The following FBXL13 variants were observed in gnomAD, a reference collection of about 807,000 sequenced individuals.
The protein encoded by FBXL13 is F-box and leucine-rich repeat protein 13.
Under a neutral mutation model 83.6 loss-of-function variants are expected in FBXL13, and 67 were observed. That is an observed-to-expected ratio of 0.80 (90% CI 0.66 to 0.98). FBXL13 has a LOEUF of 0.98. Ranked by LOEUF, FBXL13 falls within the 50% of genes least tolerant of loss-of-function variation. The probability of loss-of-function intolerance (pLI) is 0.00; values close to 1 mark genes in which losing one functional copy is unlikely to be tolerated. For missense variants in FBXL13, 822 were observed against 866.5 expected (o/e 0.95, Z 0.64); for synonymous variants, 272 against 299.5 (o/e 0.91, Z 0.95).
At chr7:103,026,268 A>G (rs1409949592) in intron 5 of FBXL13, among the ~76,000 whole-genome samples, 1 of 151,882 alleles carries the variant, frequency 6.6e-6, no homozygotes, top group African/African-American at 2.4e-5. Flanking sequence ...CCTCCCAAGT[A>G]GCTGGGATTA....
intron 9 of FBXL13, among the ~76,000 whole-genome samples, chr7:102,930,031 G>T (rs1404037365): frequency 6.6e-6 from 1 of 152,062 alleles, no homozygotes; most frequent in Non-Finnish European, 1.5e-5. Flanking sequence ...TAGGGGTGGT[G>T]GGGAGGGAAG....
intron 9 of FBXL13, among the ~76,000 whole-genome samples, chr7:102,927,438 T>C (rs751635757): frequency 2.0e-4 from 30 of 152,188 alleles, no homozygotes; most frequent in Non-Finnish European, 3.7e-4. Context: ...CCACTAAAGA[T>C]AGTAAAGGCT....
Position 102,864,471 on chromosome 7 carries a change from C to T in FBXL13, c.1636-9611G>A, listed in dbSNP as rs192003251. ...GCAACCTCTGCCTCCTGGGTTCAAG[C>T]GATTTTCCTGCCTCAGCCTCCCAAA... On this transcript the variant is annotated intron_variant, in intron 16 of 19. Coordinates refer to ENST00000313221, the Ensembl canonical transcript of FBXL13. Among the ~76,000 whole-genome samples the T allele has an allele frequency of 2.0e-3, 297 of 152,066 alleles. 4 individuals carry two copies. The highest frequency in any genetic ancestry group is 0.017 in the South Asian group (84 of 4,820).
chr7:103,019,905 G>A (rs1336856027), intron 6 of FBXL13, among the ~76,000 whole-genome samples: 2 of 152,152 alleles, frequency 1.3e-5, no homozygotes, highest in African/African-American at 4.8e-5. Flanking sequence ...ACAAGGAGGA[G>A]CTGGTACCAT....
intron 5 of FBXL13, among the ~76,000 whole-genome samples, chr7:103,026,220 C>T (rs534742650): frequency 6.6e-6 from 1 of 151,996 alleles, no homozygotes; most frequent in South Asian, 2.1e-4. Flanking sequence ...CTCACTGCAT[C>T]CTCCACCTCA....
intron 10 of FBXL13, among the ~76,000 whole-genome samples, chr7:102,915,189 C>A (rs1815604172): frequency 1.4e-5 from 2 of 139,482 alleles, no homozygotes; most frequent in African/African-American, 5.4e-5. Context: ...CCTCAGTTTT[C>A]TCATCTGGAA....
intron 1 of FBXL13, among the ~76,000 whole-genome samples, chr7:103,056,234 A>T (rs1288379014): frequency 1.3e-5 from 2 of 152,158 alleles, no homozygotes; most frequent in Admixed American, 1.3e-4. Context: ...GATGTGATAT[A>T]TATATCTCAC....
intron 2 of FBXL13, among the ~76,000 whole-genome samples, chr7:103,043,297 A>T (rs1186150220): frequency 1.3e-5 from 2 of 152,302 alleles, no homozygotes; most frequent in East Asian, 3.9e-4. Context: ...ATTAGAATGG[A>T]GATCATTAAG....
intron 2 of FBXL13, among the ~76,000 whole-genome samples, chr7:103,050,948 C>G (rs541606056): frequency 3.3e-4 from 51 of 152,262 alleles, no homozygotes; most frequent in Middle Eastern, 3.4e-3. Context: ...TACTGAGAAC[C>G]CTCATTTTTA....
chr7:102,911,322 A>C (rs1814634338), intron 11 of FBXL13, among the ~76,000 whole-genome samples: 1 of 152,228 alleles, frequency 6.6e-6, no homozygotes, highest in African/African-American at 2.4e-5. Flanking sequence ...ATGGTAACTG[A>C]GAAATTGATA....
intron 8 of FBXL13, among the ~76,000 whole-genome samples, chr7:102,951,602 G>A (rs1392082093): frequency 6.6e-6 from 1 of 151,734 alleles, no homozygotes; most frequent in Non-Finnish European, 1.5e-5. Context: ...GAGTTCAGGA[G>A]TTCAAGACCA....
At chr7:103,010,669 C>T (rs551340825) in intron 6 of FBXL13, among the ~76,000 whole-genome samples, 2 of 152,176 alleles carry the variant, frequency 1.3e-5, no homozygotes, top group East Asian at 3.9e-4. Context: ...GGCACCCACC[C>T]ACTCACTCTT....
exon 8 of FBXL13, chr7:102,963,564 A>C: frequency 1.2e-6 from 2 of 1,613,248 alleles, no homozygotes; most frequent in Non-Finnish European, 1.7e-6. Flanking sequence ...GTCGGAGAAG[A>C]CAACCACGAA....
rs78449846 is a variant in FBXL13, at chr7:102,826,157, C to T, written c.1855-3954G>A. On this transcript the variant is annotated intron_variant, in intron 18 of 19. Transcript: ENST00000313221. The stretch of plus-strand genomic sequence containing the variant: ...CCCCTTTGCCCCCTCCCCACCAATT[C>T]CTGTTTTGATTGTGTGAGAAGTCAG... 3.8e-3 allele frequency among the ~76,000 whole-genome samples: 576 copies of T among 152,138 alleles called. 15 individuals carry two copies. In the East Asian group the frequency reaches 0.062, roughly 16 times the overall value.
intron 17 of FBXL13, among the ~76,000 whole-genome samples, chr7:102,852,914 AATT>A (rs1306098107): frequency 6.6e-6 from 1 of 152,240 alleles, no homozygotes; most frequent in Non-Finnish European, 1.5e-5. Context: ...CACAATTCGC[AATT>A]GCAAAATCGG....
intron 7 of FBXL13, among the ~76,000 whole-genome samples, chr7:102,966,080 C>A (rs934014712): frequency 5.9e-5 from 9 of 152,142 alleles, no homozygotes; most frequent in African/African-American, 2.2e-4. Context: ...GGACAACATC[C>A]CATTCTTGGT....
intron 1 of FBXL13, among the ~76,000 whole-genome samples, chr7:103,066,646 G>A (rs1798421486): frequency 6.6e-6 from 1 of 152,134 alleles, no homozygotes. Flanking sequence ...ACCCGCCTCA[G>A]CCTCCCAAAG....
intron 11 of FBXL13, among the ~76,000 whole-genome samples, chr7:102,910,082 A>T (rs530484712): frequency 6.6e-6 from 1 of 152,210 alleles, no homozygotes; most frequent in East Asian, 1.9e-4. Context: ...GGGACTGGCA[A>T]TTCCCCTGTG....
intron 2 of FBXL13, among the ~76,000 whole-genome samples, chr7:103,051,809 A>C (rs909476206): frequency 1.3e-5 from 2 of 152,242 alleles, no homozygotes; most frequent in Non-Finnish European, 2.9e-5. Context: ...GATTGGTTAC[A>C]GATTGATGTT....
Sources: allele counts gnomAD v4.1 joint callset (sites outside exome capture counted in the v4.1 genomes callset), GRCh38; gene constraint gnomAD v4.1.1; transcripts MANE v1.5; gene names NCBI Gene and HGNC (gene_info 2026-07-23, HGNC 2026-07-21).